EPC1: variants seen among roughly 807,000 people sequenced by gnomAD.
The protein encoded by EPC1 is enhancer of polycomb homolog 1.
EPC1 carries 12 observed loss-of-function variants against 98.4 expected under a neutral mutation model. That is an observed-to-expected ratio of 0.12 (90% CI 0.08 to 0.20). The LOEUF (loss-of-function observed/expected upper bound fraction) is 0.20. Among genes scored for constraint, EPC1 ranks in the 10% least tolerant of loss-of-function variants. EPC1 has a pLI of 1.00. For missense variants in EPC1, 729 were observed against 990.5 expected (o/e 0.74, Z 3.54); for synonymous variants, 357 against 363.9 (o/e 0.98, Z 0.21).
intron 2 of EPC1, among the ~76,000 whole-genome samples, chr10:32,296,934 A>G (rs1340185534): frequency 6.6e-6 from 1 of 151,988 alleles, no homozygotes; most frequent in East Asian, 1.9e-4. Flanking sequence ...TTAAATAGGA[A>G]GAGTACCCAA....
Position 32,302,367 on chromosome 10 carries a change from G to A in EPC1, c.313+3405C>T, listed in dbSNP as rs1188378988. ...ATCCCATAGAAAGTAAGCAAAAGAGGCCAGGCATGGTGGCTCATGCCTATC... is the reference window on the plus strand; with the variant it reads ...ATCCCATAGAAAGTAAGCAAAAGAGACCAGGCATGGTGGCTCATGCCTATC... On this transcript the variant is annotated intron_variant, in intron 2 of 13. Transcript: ENST00000319778. Among the ~76,000 whole-genome samples, 3 of 152,056 alleles carry A rather than the reference G, an allele frequency of 2.0e-5. No individual in the cohort carries two copies. In the East Asian group the frequency reaches 5.8e-4, roughly 29 times the overall value.
rs1838885695 is a variant in EPC1 at position 32,347,041 on chromosome 10, C to T, written c.-126G>A. 3 of 1,476,218 alleles carry T rather than the reference C, an allele frequency of 2.0e-6. No homozygotes were observed. The highest frequency in any genetic ancestry group is 4.8e-5 in the Admixed American group (2 of 42,094). 91.4% of individuals were successfully genotyped at this position (1,476,218 alleles called of 1,614,324 possible). A position where few individuals can be genotyped will look rare whatever the true frequency, so the allele number is the denominator to read the frequency against. ...GGACTTGAGGGGCGGAGCGCAGAGC[C>T]CGCCGTCCGGGCACTAACACCAGCC... On this transcript the variant is annotated 5_prime_UTR_variant, in exon 1 of 14. Transcript: ENST00000319778.
intron 1 of EPC1, among the ~76,000 whole-genome samples, chr10:32,343,260 G>T (rs1332904942): frequency 6.6e-6 from 1 of 152,140 alleles, no homozygotes; most frequent in South Asian, 2.1e-4. Context: ...CACAGGCTGT[G>T]AGTGCAGTGG....
chr10:32,347,150 C>T lies in EPC1; in HGVS notation c.-235G>A. 1 of 1,413,882 alleles carries T rather than the reference C, an allele frequency of 7.1e-7. No homozygotes were observed. The highest frequency in any genetic ancestry group is 9.2e-7 in the Non-Finnish European group (1 of 1,088,018). The allele number at this position is 1,413,882 out of a possible 1,614,324, so 87.6% of individuals were successfully genotyped here. Reference sequence around the variant, plus strand: ...ATGGCCAACATGGCGGACATTAAAACTCCACTGTGCGCTCTTCAGCCAACC... The same window carrying T: ...ATGGCCAACATGGCGGACATTAAAATTCCACTGTGCGCTCTTCAGCCAACC... On this transcript the variant is annotated 5_prime_UTR_variant, in exon 1 of 14. Transcript: ENST00000319778.
chr10:32,288,287 C>T (rs1836798144), intron 6 of EPC1, among the ~76,000 whole-genome samples: 1 of 149,610 alleles, frequency 6.7e-6, no homozygotes, highest in Non-Finnish European at 1.5e-5. Context: ...TGCTTGAGGA[C>T]TACATTATTA....
intron 1 of EPC1, among the ~76,000 whole-genome samples, chr10:32,370,988 G>T (rs965897627): frequency 3.3e-5 from 5 of 152,164 alleles, no homozygotes; most frequent in African/African-American, 1.2e-4. Flanking sequence ...TTCTTGAGAA[G>T]ACCTCCAATG....
rs765204573 is a variant in EPC1, at chr10:32,284,699, A to C, written c.1743T>G (p.Phe581Leu). ...QSKSSSGSAHFAFTAEQYQQH... is the reference protein window; with the variant it reads ...QSKSSSGSAHLAFTAEQYQQH... ...GTACATCATTAACAGTCAACATACC[A>C]AAGTGTGCTGAACCACTGCTACTTT... Residue 581 changes from phenylalanine (F) to leucine (L), a missense_variant and splice_region_variant, in exon 10 of 14, where the codon TTT becomes TTG. Phe to Leu is a conservative substitution (Grantham distance 22). Transcript: ENST00000319778. The C allele has an allele frequency of 6.2e-7, 1 of 1,607,116 alleles. No homozygotes were observed. Among genetic ancestry groups the C allele is most frequent in the Non-Finnish European group, 8.5e-7 (1 of 1,174,974 alleles).
chr10:32,310,889 T>A (rs554483033), intron 1 of EPC1, among the ~76,000 whole-genome samples: 1 of 148,736 alleles, frequency 6.7e-6, no homozygotes, highest in South Asian at 2.3e-4. Context: ...AAAAAAAAAT[T>A]CACATAATTA....
intron 1 of EPC1, among the ~76,000 whole-genome samples, chr10:32,328,280 A>G (rs1837423017): frequency 6.6e-6 from 1 of 152,216 alleles, no homozygotes; most frequent in Non-Finnish European, 1.5e-5. Flanking sequence ...TGCTCTGAGG[A>G]AAAGAAAAAG....
intron 1 of EPC1, among the ~76,000 whole-genome samples, chr10:32,312,222 C>A (rs1422424680): frequency 6.6e-6 from 1 of 152,144 alleles, no homozygotes; most frequent in Admixed American, 6.5e-5. Flanking sequence ...AGGATCTGTC[C>A]TTTTTCTACG....
chr10:32,350,937 A>G (rs1221234329), upstream of EPC1, among the ~76,000 whole-genome samples: 2 of 152,036 alleles, frequency 1.3e-5, no homozygotes, highest in Non-Finnish European at 2.9e-5. Flanking sequence ...CATAGTCCCA[A>G]CTCTGATCAC....
In EPC1 at chr10:32,305,773, C is replaced by A; in HGVS notation, c.312G>T (p.Gln104His). 6.3e-7 allele frequency: 1 copy of A among 1,590,560 alleles called. No individual in the cohort carries two copies. The highest frequency in any genetic ancestry group is 1.8e-5 in the Admixed American group (1 of 54,230). Residue 104 changes from glutamine to histidine, a missense_variant and splice_region_variant, in exon 2 of 14, where the codon CAG becomes CAT. By Grantham distance (24) the Gln-to-His change is conservative. Around this residue, in one of 6 missense-constraint regions of EPC1, gnomAD observed 94 missense variants for 125.1 expected, o/e 0.75. Transcript: ENST00000319778. ...ATCATTAAGAGAATCATTACTTACGCTGTATGTGAATGAGCTGCTTTGGCA... is the reference window on the plus strand; with the variant it reads ...ATCATTAAGAGAATCATTACTTACGATGTATGTGAATGAGCTGCTTTGGCA... ...FKMPKQLIHI[Q>H]PFSLDAEQPD...
intron 1 of EPC1, among the ~76,000 whole-genome samples, chr10:32,341,127 A>G (rs55745218): frequency 0.019 from 2,941 of 152,328 alleles, 103 homozygotes; most frequent in African/African-American, 0.067. Flanking sequence ...TACAATCACA[A>G]ATGATACAAT....
chr10:32,318,255 T>C (rs1220755226), intron 1 of EPC1, among the ~76,000 whole-genome samples: 2 of 152,218 alleles, frequency 1.3e-5, no homozygotes, highest in African/African-American at 4.8e-5. Flanking sequence ...TGATGATTTC[T>C]ATGCCTCCAA....
intron 10 of EPC1, among the ~76,000 whole-genome samples, chr10:32,274,407 A>G (rs936429084): frequency 6.6e-6 from 1 of 152,174 alleles, no homozygotes; most frequent in Admixed American, 6.6e-5. Flanking sequence ...TAACTCATGA[A>G]GAATCTTTCT....
In EPC1 at chr10:32,284,898, C is replaced by T. The variant is rs1251345121; in HGVS notation, c.1544G>A (p.Ser515Asn). The change falls in exon 10 of 14, where the codon AGT (serine) becomes AAT (asparagine). Residue 515 changes from serine (S) to asparagine (N), a missense_variant. Ser to Asn is a conservative substitution (Grantham distance 46). This residue lies in a region of EPC1 where 390 missense variants were observed against 438.6 expected (regional missense o/e 0.89). Coordinates refer to ENST00000319778, the MANE Select transcript of EPC1 (RefSeq NM_001272004.3). ...TSDKSFSKDL[S>N]QILVNIKSCR... is the part of the protein sequence containing the mutation. ...TGATTTGATATTGACTAGTATCTGACTGAGGTCTTTAGAGAAAGATTTGTC... is the reference window on the plus strand; with the variant it reads ...TGATTTGATATTGACTAGTATCTGATTGAGGTCTTTAGAGAAAGATTTGTC... 1 of 1,614,138 alleles carries T rather than the reference C, an allele frequency of 6.2e-7. No individual in the cohort carries two copies. Among genetic ancestry groups the T allele is most frequent in the East Asian group, 2.2e-5 (1 of 44,884 alleles).
intron 1 of EPC1, among the ~76,000 whole-genome samples, chr10:32,338,931 T>C (rs895093297): frequency 2.7e-5 from 3 of 111,750 alleles, no homozygotes; most frequent in Non-Finnish European, 6.6e-5. Flanking sequence ...GAGGGAGACC[T>C]TGTCTCAAAA....
chr10:32,349,978 T>C (rs987775853), upstream of EPC1, among the ~76,000 whole-genome samples: 6 of 152,226 alleles, frequency 3.9e-5, no homozygotes, highest in Non-Finnish European at 7.3e-5. Flanking sequence ...AGGTTTAGTT[T>C]TCCCTAGATT....
intron 10 of EPC1, among the ~76,000 whole-genome samples, chr10:32,279,088 C>T (rs1831122): frequency 0.78 from 119,274 of 152,128 alleles, 48,353 homozygotes; most frequent in East Asian, 0.96. Flanking sequence ...CAGTGGCTCA[C>T]GCCTGTAATC....
Sources: gnomAD v4.1 joint callset for allele counts (sites outside exome capture counted in the v4.1 genomes callset) on GRCh38, gnomAD v4.1.1 for gene constraint, gnomAD v4.1.1 regional missense constraint, MANE v1.5 for transcripts, NCBI Gene and HGNC (gene_info 2026-07-23, HGNC 2026-07-21) for gene names.